VPS13B: variants seen among roughly 807,000 people sequenced by gnomAD.
VPS13B encodes vacuolar protein sorting 13 homolog B, also known as intermembrane lipid transfer protein VPS13B.
In VPS13B, 285 loss-of-function variants were observed where a neutral mutation model predicts 426.4. That is an observed-to-expected ratio of 0.67 (90% CI 0.61 to 0.74). VPS13B has a LOEUF of 0.74. Ranked by LOEUF, VPS13B falls within the 30% of genes least tolerant of loss-of-function variation. The pLI is 0.00. For synonymous variants in VPS13B, 1,676 were observed against 1,676.4 expected, an observed-to-expected ratio of 1.00 and a Z score of 0.01; for missense variants, 4,537 against 4,782.6, an observed-to-expected ratio of 0.95 and a Z score of 1.51.
rs1230096744 is a variant in VPS13B, at chr8:99,642,183, G to A, written c.5593G>A (p.Ala1865Thr). The A allele has an allele frequency of 1.2e-6, 2 of 1,613,982 alleles. No homozygotes were observed. The highest frequency in any genetic ancestry group is 2.7e-5 in the African/African-American group (2 of 74,908). Reference sequence around the variant, plus strand: ...TTCAGATGTTGCTAAGCCCAACCAGGCATGTATTTCCACGGTGACAGCAGA... The same window carrying A: ...TTCAGATGTTGCTAAGCCCAACCAGACATGTATTTCCACGGTGACAGCAGA... ...VDSDVAKPNQ[A>T]CISTVTAEDL... Residue 1865 changes from alanine to threonine, a missense_variant, in exon 34 of 62, where the codon GCA becomes ACA. This residue lies in a region of VPS13B where 4,311 missense variants were observed against 4,474.3 expected (regional missense o/e 0.96). Coordinates refer to ENST00000357162, the MANE Select transcript of VPS13B (RefSeq NM_152564.5).
chr8:99,359,577 A>G (rs546362826), intron 19 of VPS13B, among the ~76,000 whole-genome samples: 21 of 152,356 alleles, frequency 1.4e-4, no homozygotes, highest in Non-Finnish European at 2.9e-4. Flanking sequence ...AAAAGGTACA[A>G]ATATCTTTAA....
intron 3 of VPS13B, among the ~76,000 whole-genome samples, chr8:99,054,624 G>C (rs930379430): frequency 6.6e-6 from 1 of 152,100 alleles, no homozygotes; most frequent in Non-Finnish European, 1.5e-5. Flanking sequence ...ATATCTAAGA[G>C]TTCATTGCTT....
At chr8:99,337,272 C>A (rs1810955803) in intron 19 of VPS13B, among the ~76,000 whole-genome samples, 1 of 149,012 alleles carries the variant, frequency 6.7e-6, no homozygotes, top group Non-Finnish European at 1.5e-5. Context: ...AACAAAAAAC[C>A]AAACACCGCA....
At chr8:99,058,074 T>G (rs986577038) in intron 3 of VPS13B, among the ~76,000 whole-genome samples, 1 of 152,252 alleles carries the variant, frequency 6.6e-6, no homozygotes, top group Non-Finnish European at 1.5e-5. Context: ...GACCTCCAGG[T>G]GTTCCCAAGT....
intron 16 of VPS13B, among the ~76,000 whole-genome samples, chr8:99,186,830 C>T (rs1359350871): frequency 1.3e-5 from 2 of 152,078 alleles, no homozygotes; most frequent in African/African-American, 4.8e-5. Context: ...GAATTTTTCC[C>T]TACCCTTGGG....
At chr8:99,566,283 A>G in intron 31 of VPS13B, among the ~76,000 whole-genome samples, 1 of 152,332 alleles carries the variant, frequency 6.6e-6, no homozygotes, top group East Asian at 1.9e-4. Flanking sequence ...GTATATAATT[A>G]TCATGGTAGC....
chr8:99,378,489 A>T lies in VPS13B; in HGVS notation c.2825-5719A>T, dbSNP rs544831379. 2.6e-5 allele frequency among the ~76,000 whole-genome samples: 4 copies of T among 152,352 alleles called. No individual in the cohort carries two copies. The East Asian group carries it at 7.7e-4, about 29-fold the overall frequency. On this transcript the variant is annotated intron_variant, in intron 19 of 61. Transcript: ENST00000357162. ...GTAAAGACAGGCATAGGAAATTGTAAGTATTGATTGGGGAAGTGATAAATG... is the reference window on the plus strand; with the variant it reads ...GTAAAGACAGGCATAGGAAATTGTATGTATTGATTGGGGAAGTGATAAATG...
intron 22 of VPS13B, among the ~76,000 whole-genome samples, chr8:99,436,592 C>T (rs1286559662): frequency 6.6e-6 from 1 of 152,100 alleles, no homozygotes; most frequent in African/African-American, 2.4e-5. Flanking sequence ...CTTGGCTTGC[C>T]TCACCCTAGT....
chr8:99,046,841 G>A (rs1843266224), intron 3 of VPS13B, among the ~76,000 whole-genome samples: 1 of 152,098 alleles, frequency 6.6e-6, no homozygotes, highest in Non-Finnish European at 1.5e-5. Context: ...ATTGACTCGT[G>A]TGTGTTAAAC....
Position 99,501,875 on chromosome 8 carries a change from C to T in VPS13B, c.4042+17C>T. ...AAGGCACAGGTACAGGATTCCTTTTCTTTCTTCCCTCCCTCCCTCTGTCCC... is the reference window on the plus strand; with the variant it reads ...AAGGCACAGGTACAGGATTCCTTTTTTTTCTTCCCTCCCTCCCTCTGTCCC... On this transcript the variant is annotated intron_variant, in intron 26 of 61. Transcript: ENST00000357162. 2 of 1,612,394 alleles carry T rather than the reference C, an allele frequency of 1.2e-6. No homozygotes were observed. Among genetic ancestry groups the T allele is most frequent in the Non-Finnish European group, 1.7e-6 (2 of 1,179,546 alleles).
chr8:99,070,985 ACTTC>A (rs759638625), intron 3 of VPS13B, among the ~76,000 whole-genome samples: 12 of 152,054 alleles, frequency 7.9e-5, no homozygotes, highest in Non-Finnish European at 1.8e-4. Context: ...TAGGATTCTG[ACTTC>A]CTTCTCTCTG....
chr8:99,768,347 C>G (rs764521516), intron 40 of VPS13B, among the ~76,000 whole-genome samples: 1 of 152,126 alleles, frequency 6.6e-6, no homozygotes, highest in Non-Finnish European at 1.5e-5. Context: ...TTTTTCTTTT[C>G]TCTGTTACCG....
chr8:99,171,805 T>C (rs577546929), intron 16 of VPS13B, among the ~76,000 whole-genome samples: 1 of 152,248 alleles, frequency 6.6e-6, no homozygotes, highest in South Asian at 2.1e-4. Context: ...AAAACTTTAG[T>C]AACTGTAACT....
chr8:99,398,458 G>C (rs1431681090), intron 21 of VPS13B, among the ~76,000 whole-genome samples: 1 of 152,222 alleles, frequency 6.6e-6, no homozygotes, highest in Non-Finnish European at 1.5e-5. Context: ...TCTGTGGTCA[G>C]TTGGCCAGAG....
chr8:99,583,621 T>C (rs1408422239), intron 33 of VPS13B, among the ~76,000 whole-genome samples: 3 of 152,192 alleles, frequency 2.0e-5, no homozygotes, highest in African/African-American at 7.2e-5. Context: ...TGAAAAATTC[T>C]CCAAGACATT....
chr8:99,432,608 T>TA (rs1388887346), intron 22 of VPS13B, among the ~76,000 whole-genome samples: 5 of 152,210 alleles, frequency 3.3e-5, no homozygotes, highest in Admixed American at 2.0e-4. Context: ...ACTGAAAACT[T>TA]ACGGAGAACG....
chr8:99,215,287 CTG>C (rs1815321845), intron 17 of VPS13B, among the ~76,000 whole-genome samples: 1 of 152,122 alleles, frequency 6.6e-6, no homozygotes, highest in African/African-American at 2.4e-5. Context: ...AGATTAGTCT[CTG>C]TTAGTGAGCA....
intron 24 of VPS13B, among the ~76,000 whole-genome samples, chr8:99,469,702 A>C (rs1819300137): frequency 6.6e-6 from 1 of 152,266 alleles, no homozygotes; most frequent in African/African-American, 2.4e-5. Flanking sequence ...CCGCAAAAAT[A>C]TATGTTGAAG....
intron 30 of VPS13B, among the ~76,000 whole-genome samples, chr8:99,546,024 A>T (rs543051309): frequency 6.6e-6 from 1 of 152,190 alleles, no homozygotes; most frequent in Non-Finnish European, 1.5e-5. Context: ...ACATTAAGAG[A>T]TTTTATGGAC....
Sources: gnomAD v4.1 joint callset for allele counts (sites outside exome capture counted in the v4.1 genomes callset) on GRCh38, gnomAD v4.1.1 for gene constraint, gnomAD v4.1.1 regional missense constraint, MANE v1.5 for transcripts, NCBI Gene and HGNC (gene_info 2026-07-23, HGNC 2026-07-21) for gene names.